IGF2R: variants seen among roughly 807,000 people sequenced by gnomAD.
IGF2R encodes the protein insulin like growth factor 2 receptor, also known as cation-independent mannose-6-phosphate receptor.
Under a neutral mutation model 270.6 loss-of-function variants are expected in IGF2R, and 91 were observed. The ratio of observed to expected loss-of-function variants is 0.34; its 90% CI spans 0.28 to 0.40. IGF2R has a LOEUF of 0.40. Ranked by LOEUF, IGF2R falls within the 10% of genes least tolerant of loss-of-function variation. The pLI, the probability that IGF2R is intolerant of heterozygous loss-of-function variation, is 1.00. For missense variants in IGF2R, 2,805 were observed against 3,188.3 expected (o/e 0.88, Z 2.90); for synonymous variants, 1,316 against 1,258.9 (o/e 1.05, Z -0.96).
intron 36 of IGF2R, among the ~76,000 whole-genome samples, chr6:160,077,352 G>A (rs745373569): frequency 2.0e-5 from 3 of 152,150 alleles, no homozygotes; most frequent in South Asian, 4.1e-4. Flanking sequence ...TAAGTTCTTC[G>A]TTCTTTAAAG....
intron 29 of IGF2R, 38 bp from the exon 30 acceptor site, chr6:160,068,211 G>T: frequency 1.2e-6 from 2 of 1,611,592 alleles, no homozygotes; most frequent in South Asian, 2.2e-5. Context: ...AAGAGAATAC[G>T]ACCAAGCCTA....
chr6:160,104,646 C>A, intron 47 of IGF2R, 28 bp from the exon 48 acceptor site: 1 of 1,592,988 alleles, frequency 6.3e-7, no homozygotes, highest in Non-Finnish European at 8.6e-7. Context: ...AGGGGGCTCA[C>A]GTGGTCTCTG....
At chr6:159,995,364 C>G (rs1365521616) in intron 2 of IGF2R, among the ~76,000 whole-genome samples, 2 of 151,150 alleles carry the variant, frequency 1.3e-5, no homozygotes, top group African/African-American at 4.9e-5. Context: ...ATGGTTGGAT[C>G]ATTTTTTTTT....
intron 2 of IGF2R, chr6:160,006,783 A>T (rs932233303): frequency 6.6e-6 from 1 of 152,174 alleles, no homozygotes; most frequent in African/African-American, 2.4e-5. Context: ...TTAAAAAATT[A>T]GTTGTTTTGT....
chr6:160,064,566 C>T (rs1778521193), intron 28 of IGF2R, 35 bp downstream of exon 28: 3 of 1,609,584 alleles, frequency 1.9e-6, no homozygotes, highest in Non-Finnish European at 2.5e-6. Flanking sequence ...GCGGGGTCTT[C>T]TCCCCACCCT....
chr6:160,069,834 T>G (rs1049979813), intron 30 of IGF2R, 34 bp from the exon 31 acceptor site: 11 of 1,605,614 alleles, frequency 6.9e-6, no homozygotes, highest in Non-Finnish European at 9.4e-6. Flanking sequence ...GGGGAGTCAC[T>G]AAAGGCAACT....
At chr6:160,016,118 T>G (rs947963941) in intron 4 of IGF2R, among the ~76,000 whole-genome samples, 1 of 152,166 alleles carries the variant, frequency 6.6e-6, no homozygotes, top group African/African-American at 2.4e-5. Flanking sequence ...TGGGCTGGCT[T>G]TTTTGGCCTG....
chr6:160,021,605 TAAAA>T (rs1190837402), intron 4 of IGF2R, among the ~76,000 whole-genome samples: 5 of 136,710 alleles, frequency 3.7e-5, no homozygotes, highest in Non-Finnish European at 7.9e-5. Flanking sequence ...ATAATAAAAT[TAAAA>T]AAAAAAGTTT....
rs967237112 is a variant in IGF2R, at chr6:160,084,669, G to A, written c.6069-326G>A. 1.8e-4 allele frequency among the ~76,000 whole-genome samples: 27 copies of A among 152,134 alleles called. No individual in the cohort carries two copies. The highest frequency in any genetic ancestry group is 5.3e-4 in the African/African-American group (22 of 41,426). ...ACAGGGTTTAAGTGGTTCTAAGTGA[G>A]GTGGGAAACTTGCCGAGATTCTAGC... On this transcript the variant is annotated intron_variant, in intron 40 of 47. Coordinates refer to ENST00000356956, the MANE Select transcript of IGF2R (RefSeq NM_000876.4). The surrounding 1 kb of genome is among the most constrained non-coding windows in gnomAD (Gnocchi z 4.6).
At chr6:160,061,711 A>C (rs1778442883) in intron 24 of IGF2R, 42 bp from the exon 25 acceptor site, 1 of 1,613,556 alleles carries the variant, frequency 6.2e-7, no homozygotes, top group Non-Finnish European at 8.5e-7. Flanking sequence ...ACTCAAGGTC[A>C]TCGCCTTCCT....
In IGF2R at chr6:160,024,784, A is replaced by G. The variant is rs1777519693; in HGVS notation, c.646+80A>G. 2.7e-6 allele frequency: 4 copies of G among 1,478,792 alleles called. No individual in the cohort carries two copies. In the South Asian group the frequency reaches 4.8e-5, roughly 18 times the overall value. The allele number at this position is 1,478,792 out of a possible 1,614,324, so 91.6% of individuals were successfully genotyped here. A position where few individuals can be genotyped will look rare whatever the true frequency, so the allele number is the denominator to read the frequency against. ...TCAATATCTTTGCCTTTCTACCTTTATTTCTGTTTTCACATCCATGTTTCT... is the reference window on the plus strand; with the variant it reads ...TCAATATCTTTGCCTTTCTACCTTTGTTTCTGTTTTCACATCCATGTTTCT... On this transcript the variant is annotated intron_variant, in intron 5 of 47. Coordinates refer to ENST00000356956, the MANE Select transcript of IGF2R (RefSeq NM_000876.4).
intron 1 of IGF2R, among the ~76,000 whole-genome samples, chr6:159,979,684 G>T (rs1297036354): frequency 6.6e-6 from 1 of 152,168 alleles, no homozygotes; most frequent in African/African-American, 2.4e-5. Flanking sequence ...CTGGTGGGGG[G>T]CCTGCATGTC....
At chr6:160,076,166 G>T (rs527305355) in intron 36 of IGF2R, among the ~76,000 whole-genome samples, 170 bp downstream of exon 36, 3 of 152,354 alleles carry the variant, frequency 2.0e-5, no homozygotes, top group East Asian at 3.9e-4. Flanking sequence ...CTGATTGAGG[G>T]CTGAGTGAGC....
intron 2 of IGF2R, chr6:160,006,584 C>T (rs1052809408): frequency 1.3e-5 from 2 of 152,276 alleles, no homozygotes; most frequent in East Asian, 1.9e-4. Flanking sequence ...GAAGGATGAT[C>T]GTGGCTGACT....
rs945966955 is a variant in IGF2R at position 160,084,441 on chromosome 6, C to T, written c.6068+257C>T. On this transcript the variant is annotated intron_variant, in intron 40 of 47. Transcript: ENST00000356956. This position sits in a 1 kb window ranked among gnomAD's most constrained non-coding sequence, Gnocchi z 4.6. ...GCCTCTGGAGCTGGAAGAACCTGGG[C>T]GGACTGAGTTAGGCTGGGTTTGATT... 2.0e-5 allele frequency among the ~76,000 whole-genome samples: 3 copies of T among 152,048 alleles called. No homozygotes were observed. The highest frequency in any genetic ancestry group is 2.9e-5 in the Non-Finnish European group (2 of 68,014).
intron 39 of IGF2R, among the ~76,000 whole-genome samples, chr6:160,083,065 C>T (rs936162675): frequency 2.6e-5 from 4 of 152,324 alleles, no homozygotes; most frequent in East Asian, 1.9e-4. Flanking sequence ...GCACCGGCAT[C>T]GGCCTCTGAG....
At chr6:160,060,251 G>A (rs1363498386) in intron 22 of IGF2R, among the ~76,000 whole-genome samples, 11 of 152,244 alleles carry the variant, frequency 7.2e-5, no homozygotes, top group Non-Finnish European at 1.5e-4. Flanking sequence ...CCATTGGAGC[G>A]AGTGTGTAAA....
At position 160,072,538 on chromosome 6, in the gene IGF2R, G is replaced by A. The variant is rs528341467; in HGVS notation, c.4571-227G>A. ...GCTGTGGTATGGCCCAGCAGAGGGTGCTGTGAGCCACGATCTTTTCAGCTA... is the reference window on the plus strand; with the variant it reads ...GCTGTGGTATGGCCCAGCAGAGGGTACTGTGAGCCACGATCTTTTCAGCTA... On this transcript the variant is annotated intron_variant, in intron 32 of 47. Transcript: ENST00000356956. Among the ~76,000 whole-genome samples, 3 of 152,322 alleles carry A rather than the reference G, an allele frequency of 2.0e-5. No individual in the cohort carries two copies. The South Asian group carries it at 6.2e-4, about 32-fold the overall frequency.
intron 5 of IGF2R, among the ~76,000 whole-genome samples, chr6:160,025,688 T>TA (rs528410130): frequency 2.8e-4 from 43 of 152,312 alleles, no homozygotes; most frequent in African/African-American, 1.0e-3. Flanking sequence ...TTGTGTGTGT[T>TA]AGAGTATTAC....
Sources: gnomAD v4.1 joint callset for allele counts (sites outside exome capture counted in the v4.1 genomes callset) on GRCh38, gnomAD v4.1.1 for gene constraint, Gnocchi (gnomAD v3.1) non-coding constraint, MANE v1.5 for transcripts, NCBI Gene and HGNC (gene_info 2026-07-23, HGNC 2026-07-21) for gene names.